MYH13: variants seen among roughly 807,000 people sequenced by gnomAD.
The protein encoded by MYH13 is myosin heavy chain 13.
Under a neutral mutation model 232.1 loss-of-function variants are expected in MYH13, and 177 were observed. That is an observed-to-expected ratio of 0.76 (90% CI 0.67 to 0.86). The LOEUF is 0.86. MYH13 is among the 40% of genes least tolerant of loss of function. The pLI is 0.00. For synonymous variants in MYH13, 884 were observed against 923.5 expected, an observed-to-expected ratio of 0.96 and a Z score of 0.78; for missense variants, 2,246 against 2,405.9, an observed-to-expected ratio of 0.93 and a Z score of 1.39.
chr17:10,352,204 C>T (rs1047089427), intron 11 of MYH13, among the ~76,000 whole-genome samples: 3 of 152,066 alleles, frequency 2.0e-5, no homozygotes, highest in African/African-American at 7.2e-5. Context: ...GCAGGTGGAA[C>T]CTGGGTATAT....
intron 33 of MYH13, 139 bp from the exon 34 acceptor site, chr17:10,309,969 A>C: frequency 1.5e-6 from 1 of 674,090 alleles, no homozygotes; most frequent in Non-Finnish European, 2.2e-6. Context: ...TTTGGTAGAG[A>C]CAGGGTCTGT....
At chr17:10,322,863 G>C (rs1444693906) in intron 23 of MYH13, among the ~76,000 whole-genome samples, 2 of 152,080 alleles carry the variant, frequency 1.3e-5, no homozygotes, top group Non-Finnish European at 2.9e-5. Context: ...TCGATCTCCT[G>C]ACCTCGTGGT....
chr17:10,322,949 T>G (rs1907027308), intron 23 of MYH13, among the ~76,000 whole-genome samples: 1 of 152,130 alleles, frequency 6.6e-6, no homozygotes, highest in African/African-American at 2.4e-5. Flanking sequence ...TTCATTTTCT[T>G]ACATTTTTCC....
At chr17:10,313,924 C>T (rs1011885356) in intron 29 of MYH13, among the ~76,000 whole-genome samples, 6 of 152,212 alleles carry the variant, frequency 3.9e-5, no homozygotes, top group East Asian at 3.8e-4. Flanking sequence ...ATGTGAGCTT[C>T]GCTGTTTCCA....
At chr17:10,336,739 T>C (rs1380531225) in intron 18 of MYH13, among the ~76,000 whole-genome samples, 1 of 152,110 alleles carries the variant, frequency 6.6e-6, no homozygotes, top group Non-Finnish European at 1.5e-5. Context: ...GCTGAAACCA[T>C]TCAAACTTGG....
At chr17:10,367,812 GA>G (rs2071848896) in intron 2 of MYH13, among the ~76,000 whole-genome samples, 1 of 152,142 alleles carries the variant, frequency 6.6e-6, no homozygotes, top group Non-Finnish European at 1.5e-5. Context: ...TATGTTTGGT[GA>G]AAGTAAATAT....
chr17:10,333,357 G>T (rs966006334), intron 18 of MYH13, among the ~76,000 whole-genome samples, 166 bp from the exon 19 acceptor site: 1 of 152,220 alleles, frequency 6.6e-6, no homozygotes, highest in Non-Finnish European at 1.5e-5. Flanking sequence ...GCTAGAGCCT[G>T]CCTGCAGGTC....
Position 10,320,217 on chromosome 17 carries a change from T to C in MYH13, c.3284A>G (p.Gln1095Arg). Residue 1095 changes from glutamine to arginine, a missense_variant, in exon 26 of 41, where the codon CAA (glutamine) becomes CGA (arginine). By Grantham distance (43) the Gln-to-Arg change is conservative. Coordinates refer to ENST00000252172, the MANE Select transcript of MYH13 (RefSeq NM_003802.3). Reference protein sequence around the residue: ...KKKEFELSQLQAKIDDEQVHS... With the variant: ...KKKEFELSQLRAKIDDEQVHS... ...GACTTGTTCGTCATCTATTTTGGCT[T>C]GTAACTGACTGAGTTCAAACTCCTT... The C allele has an allele frequency of 6.2e-7, 1 of 1,605,386 alleles. No individual in the cohort carries two copies. Among genetic ancestry groups the C allele is most frequent in the Non-Finnish European group, 8.5e-7 (1 of 1,175,536 alleles).
rs372691817 is a variant in MYH13, at chr17:10,363,144, C to G, written c.205-641G>C. 6.6e-5 allele frequency among the ~76,000 whole-genome samples: 10 copies of G among 151,784 alleles called. No homozygotes were observed. The South Asian group carries it at 2.1e-3, about 32-fold the overall frequency. On this transcript the variant is annotated intron_variant, in intron 3 of 40. Transcript: ENST00000252172. ...CTGTTTTTTTCCCACCTCTCTCCCC[C>G]ATTCAAGCTGGCTCTGCACTCCATG...
At chr17:10,348,622 G>T (rs985195961) in intron 12 of MYH13, among the ~76,000 whole-genome samples, 3 of 152,150 alleles carry the variant, frequency 2.0e-5, no homozygotes, top group Admixed American at 6.5e-5. Context: ...AAGAGGGCCT[G>T]GGACCCTACT....
At chr17:10,334,911 T>TA (rs1017567963) in intron 18 of MYH13, among the ~76,000 whole-genome samples, 7 of 151,046 alleles carry the variant, frequency 4.6e-5, no homozygotes, top group Non-Finnish European at 8.9e-5. Context: ...ATACAATAAT[T>TA]AAAAAATTCA....
intron 19 of MYH13, 144 bp downstream of exon 19, chr17:10,332,930 A>C: frequency 4.3e-6 from 3 of 705,548 alleles, no homozygotes; most frequent in Non-Finnish European, 7.3e-6. Context: ...TGGGCATGGG[A>C]TCAGTTCCTC....
At chr17:10,315,853 C>T (rs770681522) in intron 28 of MYH13, 42 bp from the exon 29 acceptor site, 2 of 1,613,914 alleles carry the variant, frequency 1.2e-6, no homozygotes, top group Non-Finnish European at 1.7e-6. Flanking sequence ...TTACTGACCA[C>T]CCTCTCCCAT....
At position 10,334,149 on chromosome 17, in the gene MYH13, G is replaced by A. The variant is rs369409222; in HGVS notation, c.2057-958C>T. Among the ~76,000 whole-genome samples the A allele has an allele frequency of 4.5e-4, 69 of 152,254 alleles. 1 individual carries two copies. Among genetic ancestry groups the A allele is most frequent in the African/African-American group, 1.5e-3 (61 of 41,558 alleles). The stretch of plus-strand genomic sequence containing the variant: ...GGAGAAAATTCTGTCTCAGGTCTGC[G>A]TGAGGGGTTAGAGGACAGGGGCTAC... On this transcript the variant is annotated intron_variant, in intron 18 of 40. Transcript: ENST00000252172.
In MYH13 at chr17:10,344,080, C is replaced by T. The variant is rs545115529; in HGVS notation, c.1614G>A (p.Glu538=). The part of the protein sequence containing the change: ...KPMGIFSILE[E]ECMFPKATDT... ...CTGTTGCCTTGGGGAACATGCACTC[C>T]TCTTCCAGGATGGAGAAGATGCCCA... is the stretch of plus-strand genomic sequence containing the variant. Residue 538 remains glutamate, a synonymous_variant, in exon 16 of 41, where the codon GAG becomes GAA. Transcript: ENST00000252172. 18 of 1,614,078 alleles carry T rather than the reference C, an allele frequency of 1.1e-5. No homozygotes were observed. The South Asian group carries it at 1.5e-4, about 14-fold the overall frequency.
intron 18 of MYH13, among the ~76,000 whole-genome samples, chr17:10,336,285 A>G (rs980054789): frequency 1.3e-5 from 2 of 152,110 alleles, no homozygotes; most frequent in Non-Finnish European, 2.9e-5. Flanking sequence ...TTTTGTACCA[A>G]TGCGTAAAAC....
rs1229227117 is a variant in MYH13 at position 10,306,963 on chromosome 17, C to T, written c.5271G>A (p.Glu1757=). 6.2e-7 allele frequency: 1 copy of T among 1,613,906 alleles called. No homozygotes were observed. The highest frequency in any genetic ancestry group is 2.2e-5 in the East Asian group (1 of 44,894). ...NSIQESRNAE[E]KAKKAITDAA... is the part of the protein sequence containing the mutation. Reference sequence around the variant, plus strand: ...CATCCGTGATGGCCTTCTTGGCCTTCTCCTCTGCGTTCCTGGACTCCTGGA... The same window carrying T: ...CATCCGTGATGGCCTTCTTGGCCTTTTCCTCTGCGTTCCTGGACTCCTGGA... The change falls in exon 36 of 41, where the codon GAG becomes GAA. Residue 1757 remains glutamate (E), a synonymous_variant. Coordinates refer to ENST00000252172, the MANE Select transcript of MYH13 (RefSeq NM_003802.3). This position sits in a 1 kb window ranked among gnomAD's most constrained non-coding sequence, Gnocchi z 4.3.
chr17:10,361,658 A>G (rs1272717784), intron 5 of MYH13, among the ~76,000 whole-genome samples: 2 of 152,168 alleles, frequency 1.3e-5, no homozygotes, highest in Non-Finnish European at 2.9e-5. Context: ...CAGACTTGAT[A>G]TTAGGCATCA....
At chr17:10,348,366 C>G (rs890933741) in intron 12 of MYH13, among the ~76,000 whole-genome samples, 1 of 152,174 alleles carries the variant, frequency 6.6e-6, no homozygotes, top group Non-Finnish European at 1.5e-5. Context: ...TCGGACTGCT[C>G]TAGGTTTAGG....
Sources: allele counts gnomAD v4.1 joint callset (sites outside exome capture counted in the v4.1 genomes callset), GRCh38; gene constraint gnomAD v4.1.1; non-coding constraint Gnocchi (gnomAD v3.1); transcripts MANE v1.5; gene names NCBI Gene and HGNC (gene_info 2026-07-23, HGNC 2026-07-21).